KCNQ5: variants seen among roughly 807,000 people sequenced by gnomAD.
KCNQ5 encodes the protein potassium voltage-gated channel subfamily KQT member 5.
Under a neutral mutation model 98.2 loss-of-function variants are expected in KCNQ5, and 30 were observed. That is an observed-to-expected ratio of 0.31 (90% CI 0.23 to 0.41). KCNQ5 has a LOEUF of 0.41. KCNQ5 is among the 10% of genes least tolerant of loss of function. The pLI is 1.00. For synonymous variants in KCNQ5, 458 were observed against 449.4 expected, an observed-to-expected ratio of 1.02 and a Z score of -0.24; for missense variants, 835 against 1,182.5, an observed-to-expected ratio of 0.71 and a Z score of 4.31.
chr6:72,717,634 TG>T (rs1751448445), intron 1 of KCNQ5, among the ~76,000 whole-genome samples: 1 of 152,188 alleles, frequency 6.6e-6, no homozygotes, highest in Non-Finnish European at 1.5e-5. Flanking sequence ...TGTAGGGCCT[TG>T]GGGCTCTCAA....
chr6:73,087,720 G>C (rs1457132860), intron 5 of KCNQ5, among the ~76,000 whole-genome samples: 1 of 152,082 alleles, frequency 6.6e-6, no homozygotes, highest in Non-Finnish European at 1.5e-5. Flanking sequence ...AGGGTAAGAG[G>C]AGCCACAGAA....
At chr6:72,749,842 A>G (rs1288097902) in intron 1 of KCNQ5, among the ~76,000 whole-genome samples, 1 of 152,098 alleles carries the variant, frequency 6.6e-6, no homozygotes. Context: ...CTTCAGAAGC[A>G]TTATCTAATT....
chr6:72,894,324 C>T (rs1016115412), intron 1 of KCNQ5, among the ~76,000 whole-genome samples: 2 of 152,298 alleles, frequency 1.3e-5, no homozygotes, highest in Non-Finnish European at 2.9e-5. Context: ...TTACCCAGTA[C>T]CTTGATGTTT....
At chr6:73,189,129 A>G (rs1165250591) in intron 11 of KCNQ5, among the ~76,000 whole-genome samples, 1 of 152,110 alleles carries the variant, frequency 6.6e-6, no homozygotes, top group Non-Finnish European at 1.5e-5. Context: ...TTTTTTTGAT[A>G]CAGGACACTA....
At chr6:72,681,712 C>G (rs75637070) in intron 1 of KCNQ5, among the ~76,000 whole-genome samples, 3,209 of 152,272 alleles carry the variant, frequency 0.021, 101 homozygotes, top group African/African-American at 0.07. Context: ...TAAGCTTATC[C>G]CCACAGCTTA....
chr6:72,681,234 G>A (rs1466805895), intron 1 of KCNQ5, among the ~76,000 whole-genome samples: 2 of 152,142 alleles, frequency 1.3e-5, no homozygotes, highest in Admixed American at 6.5e-5. Flanking sequence ...ATAAAGCAAC[G>A]GGGGCTTGCT....
chr6:73,082,941 A>G (rs966218257), intron 5 of KCNQ5, among the ~76,000 whole-genome samples: 3 of 138,180 alleles, frequency 2.2e-5, no homozygotes, highest in Non-Finnish European at 4.5e-5. Context: ...CATAGGTTGC[A>G]GTGCATTGGT....
intron 10 of KCNQ5, chr6:73,135,743 G>A (rs1333828555): frequency 6.6e-6 from 1 of 152,208 alleles, no homozygotes; most frequent in Non-Finnish European, 1.5e-5. Context: ...AGTACTAGAT[G>A]CCTTAAACAA....
intron 1 of KCNQ5, among the ~76,000 whole-genome samples, chr6:72,910,771 A>G (rs571613484): frequency 7.9e-5 from 12 of 152,274 alleles, no homozygotes; most frequent in African/African-American, 2.6e-4. Flanking sequence ...AAAAGTGAAC[A>G]TAGGTATCAA....
rs978566125 is a variant in KCNQ5 at position 72,659,913 on chromosome 6, A to T, written c.398+37326A>T. Among the ~76,000 whole-genome samples the T allele has an allele frequency of 2.6e-5, 4 of 152,216 alleles. No homozygotes were observed. The East Asian group carries it at 5.8e-4, about 22-fold the overall frequency. Reference sequence around the variant, plus strand: ...CCAATTGATAAAATAATCCTTCATGATATCTCTATAGCTGTTCCACTTCTA... The same window carrying T: ...CCAATTGATAAAATAATCCTTCATGTTATCTCTATAGCTGTTCCACTTCTA... On this transcript the variant is annotated intron_variant, in intron 1 of 13. Transcript: ENST00000370398.
chr6:72,846,110 A>T (rs1397740882), intron 1 of KCNQ5, among the ~76,000 whole-genome samples: 1 of 152,228 alleles, frequency 6.6e-6, no homozygotes, highest in Non-Finnish European at 1.5e-5. Flanking sequence ...AAGTGTCCCA[A>T]GAATGAATGC....
At position 73,174,854 on chromosome 6, in the gene KCNQ5, T is replaced by C. The variant is rs528133622; in HGVS notation, c.1577+5000T>C. 1.8e-4 allele frequency among the ~76,000 whole-genome samples: 27 copies of C among 152,344 alleles called. No individual in the cohort carries two copies. In the South Asian group the frequency reaches 5.4e-3, roughly 30 times the overall value. On this transcript the variant is annotated intron_variant, in intron 11 of 13. Coordinates refer to ENST00000370398, the MANE Select transcript of KCNQ5 (RefSeq NM_019842.4). ...AGAACGGTATACACGGTCAGCACTA[T>C]GTAAATGCTAATATTATTACCCTTG...
At chr6:72,660,976 TGTAG>T (rs1317415095) in intron 1 of KCNQ5, among the ~76,000 whole-genome samples, 2 of 152,244 alleles carry the variant, frequency 1.3e-5, no homozygotes, top group African/African-American at 4.8e-5. Context: ...AGGTCTCGTG[TGTAG>T]GTGACAAAAT....
At chr6:72,660,789 T>G (rs1389704757) in intron 1 of KCNQ5, among the ~76,000 whole-genome samples, 1 of 152,204 alleles carries the variant, frequency 6.6e-6, no homozygotes, top group Non-Finnish European at 1.5e-5. Flanking sequence ...CATTAATAAA[T>G]TCTGTTCTTC....
At chr6:72,845,651 G>A (rs149686955) in intron 1 of KCNQ5, among the ~76,000 whole-genome samples, 90 of 152,152 alleles carry the variant, frequency 5.9e-4, no homozygotes, top group African/African-American at 2.0e-3. Context: ...GTCATGTTAC[G>A]GTCACTGATG....
At chr6:73,144,005 A>G (rs1776824074) in intron 10 of KCNQ5, among the ~76,000 whole-genome samples, 1 of 152,194 alleles carries the variant, frequency 6.6e-6, no homozygotes, top group Non-Finnish European at 1.5e-5. Context: ...TTTCCTTCAA[A>G]GTCACACTTA....
intron 10 of KCNQ5, 77 bp downstream of exon 10, chr6:73,133,718 A>C (rs567428527): frequency 7.3e-6 from 9 of 1,229,284 alleles, no homozygotes; most frequent in Non-Finnish European, 1.1e-5. Flanking sequence ...TTAATTCTCC[A>C]TAGTGCCACT....
intron 1 of KCNQ5, among the ~76,000 whole-genome samples, chr6:72,952,047 AT>A (rs1198245700): frequency 1.3e-5 from 2 of 152,210 alleles, no homozygotes; most frequent in Non-Finnish European, 2.9e-5. Context: ...GCAATTGTGC[AT>A]TTGGGGAAAA....
At chr6:72,988,170 G>A (rs1251964502) in intron 1 of KCNQ5, among the ~76,000 whole-genome samples, 1 of 152,174 alleles carries the variant, frequency 6.6e-6, no homozygotes, top group Non-Finnish European at 1.5e-5. Flanking sequence ...TGTTTAGCAG[G>A]TGCTAGGCAC....
Sources: gnomAD v4.1 joint callset for allele counts (sites outside exome capture counted in the v4.1 genomes callset) on GRCh38, gnomAD v4.1.1 for gene constraint, MANE v1.5 for transcripts, NCBI Gene and HGNC (gene_info 2026-07-23, HGNC 2026-07-21) for gene names.